The following RPS6KA2 variants were observed in gnomAD, a reference collection of about 807,000 sequenced individuals.
RPS6KA2 encodes the protein ribosomal protein S6 kinase alpha-2.
Under a neutral mutation model 91.8 loss-of-function variants are expected in RPS6KA2, and 42 were observed. That is an observed-to-expected ratio of 0.46 (90% CI 0.36 to 0.59). The LOEUF is 0.59. Among genes scored for constraint, RPS6KA2 ranks in the 20% least tolerant of loss-of-function variants. RPS6KA2 has a pLI of 0.00. For missense variants in RPS6KA2, 798 were observed against 978.5 expected (o/e 0.82, Z 2.46); for synonymous variants, 414 against 393.6 (o/e 1.05, Z -0.61).
rs551908042 is a variant in RPS6KA2, at chr6:166,478,584, A to C, written c.908-8679T>G. The stretch of plus-strand genomic sequence containing the variant: ...GGTTTAACAACATCTATTAAAATGC[A>C]TCTCACAAAACGATGGTTTTCTCCA... On this transcript the variant is annotated intron_variant, in intron 10 of 20. Transcript: ENST00000265678. 5.4e-4 allele frequency among the ~76,000 whole-genome samples: 82 copies of C among 152,332 alleles called. 1 individual carries two copies. The Middle Eastern group carries it at 0.017, about 32-fold the overall frequency.
rs2128454517 is a variant in RPS6KA2, at chr6:166,448,991, C to T, written c.1207-142G>A. ...GAGGCCTGGGAGCTCATGGGTCCCC[C>T]TGCCCAAGGCTGCAGAGCTACTTAG... On this transcript the variant is annotated intron_variant, in intron 13 of 20. Coordinates refer to ENST00000265678, the MANE Select transcript of RPS6KA2 (RefSeq NM_021135.6). The surrounding 1 kb of genome is among the most constrained non-coding windows in gnomAD (Gnocchi z 4.7). 1.1e-6 allele frequency: 1 copy of T among 884,380 alleles called. No homozygotes were observed. Among genetic ancestry groups the T allele is most frequent in the Non-Finnish European group, 1.7e-6 (1 of 574,116 alleles). The allele number at this position is 884,380 out of a possible 1,614,324, so 54.8% of individuals were successfully genotyped here.
intron 7 of RPS6KA2, 75 bp from the exon 8 acceptor site, chr6:166,498,725 G>A (rs934521360): frequency 3.1e-5 from 48 of 1,568,074 alleles, no homozygotes; most frequent in Non-Finnish European, 3.9e-5. Flanking sequence ...GCGGGCATCA[G>A]CGTCCTTCTG....
chr6:166,775,725 CG>C (rs1778599116), intron 2 of RPS6KA2, among the ~76,000 whole-genome samples: 1 of 152,220 alleles, frequency 6.6e-6, no homozygotes, highest in Admixed American at 6.5e-5. Context: ...GGCTGCAGCC[CG>C]GGGATCTTCT....
intron 3 of RPS6KA2, among the ~76,000 whole-genome samples, chr6:166,526,882 C>T (rs1045539024): frequency 2.6e-5 from 4 of 152,226 alleles, no homozygotes; most frequent in Non-Finnish European, 5.9e-5. Flanking sequence ...TGTGTACACA[C>T]AAATACACAC....
chr6:166,561,384 C>T (rs938956151), intron 1 of RPS6KA2, among the ~76,000 whole-genome samples: 59 of 152,060 alleles, frequency 3.9e-4, no homozygotes, highest in South Asian at 2.1e-4. Flanking sequence ...TTCAGCTTGT[C>T]CCCCTTCCCA....
chr6:166,425,075 G>A (rs12194215), intron 16 of RPS6KA2, among the ~76,000 whole-genome samples: 5,369 of 146,444 alleles, frequency 0.037, 147 homozygotes, highest in Non-Finnish European at 0.054. Context: ...GGATGGAAGG[G>A]AAACTCCTCT....
Position 166,433,238 on chromosome 6 carries a change from G to C in RPS6KA2, c.1333-748C>G, listed in dbSNP as rs1779195596. ...GCATGGCTCTCACCAAGAGATGCTG[G>C]GGATGGTGCGCAGGCCAGACCTGCC... is the stretch of plus-strand genomic sequence containing the variant. On this transcript the variant is annotated intron_variant, in intron 14 of 20. Transcript: ENST00000265678. The surrounding 1 kb of genome is among the most constrained non-coding windows in gnomAD (Gnocchi z 4.4). Among the ~76,000 whole-genome samples, 1 of 152,128 alleles carries C rather than the reference G, an allele frequency of 6.6e-6. No individual in the cohort carries two copies. Among genetic ancestry groups the C allele is most frequent in the African/African-American group, 2.4e-5 (1 of 41,432 alleles).
intron 2 of RPS6KA2, among the ~76,000 whole-genome samples, chr6:166,795,625 C>T (rs192101621): frequency 7.1e-4 from 108 of 152,276 alleles, no homozygotes; most frequent in African/African-American, 2.6e-3. Flanking sequence ...GTCAGGGGTC[C>T]CCTGCACCAA....
At chr6:166,527,249 G>A (rs1237404341) in intron 3 of RPS6KA2, among the ~76,000 whole-genome samples, 1 of 152,174 alleles carries the variant, frequency 6.6e-6, no homozygotes, top group African/African-American at 2.4e-5. Context: ...TCCTTCAGTG[G>A]CGGGGGAGGG....
intron 11 of RPS6KA2, among the ~76,000 whole-genome samples, chr6:166,467,148 T>C (rs544457974): frequency 1.3e-5 from 2 of 152,166 alleles, no homozygotes; most frequent in East Asian, 3.9e-4. Flanking sequence ...ACTCATTCAT[T>C]CACTCACTCA....
chr6:166,619,376 TTTTG>T (rs1317095377), intron 1 of RPS6KA2, among the ~76,000 whole-genome samples: 3 of 152,362 alleles, frequency 2.0e-5, no homozygotes, highest in Admixed American at 6.5e-5. Flanking sequence ...TTGAAAGTTG[TTTTG>T]TTTGTCTGTG....
rs1295209137 is a variant in RPS6KA2 at position 166,627,067 on chromosome 6, C to T, written c.-48G>A. ...AGCCGCAGGGCCGGGGGACGCGCAT[C>T]CCCGGCATCCCAGGCGCGGGGCTCA... On this transcript the variant is annotated 5_prime_UTR_variant, in exon 1 of 21. Transcript: ENST00000265678. 2 of 1,319,456 alleles carry T rather than the reference C, an allele frequency of 1.5e-6. No individual in the cohort carries two copies. Among genetic ancestry groups the T allele is most frequent in the South Asian group, 2.0e-5 (1 of 49,274 alleles). The allele number at this position is 1,319,456 out of a possible 1,614,324, so 81.7% of individuals were successfully genotyped here.
intron 3 of RPS6KA2, among the ~76,000 whole-genome samples, chr6:166,528,959 T>G (rs1412806213): frequency 6.6e-6 from 1 of 152,182 alleles, no homozygotes; most frequent in Non-Finnish European, 1.5e-5. Flanking sequence ...AGGAACACTT[T>G]TACACTGTTG....
At chr6:166,735,736 C>T (rs536154757) in intron 2 of RPS6KA2, among the ~76,000 whole-genome samples, 9 of 152,250 alleles carry the variant, frequency 5.9e-5, no homozygotes, top group South Asian at 2.1e-4. Context: ...AGAGCTCAGG[C>T]GATAATGCAA....
chr6:166,646,660 C>T (rs76905922), intron 2 of RPS6KA2, among the ~76,000 whole-genome samples: 5 of 152,354 alleles, frequency 3.3e-5, no homozygotes, highest in South Asian at 2.1e-4. Flanking sequence ...GGACCTTCTT[C>T]GTTTCACCAG....
Position 166,506,242 on chromosome 6 carries a change from G to A in RPS6KA2, c.460-1630C>T, listed in dbSNP as rs528134157. Among the ~76,000 whole-genome samples, 11 of 152,318 alleles carry A rather than the reference G, an allele frequency of 7.2e-5. No individual in the cohort carries two copies. The South Asian group carries it at 8.3e-4, about 11-fold the overall frequency. Reference sequence around the variant, plus strand: ...GCAACTCCACGAATCTGTGGTGCCCGCCCTGGACAACTTCCCTCCTACTCC... The same window carrying A: ...GCAACTCCACGAATCTGTGGTGCCCACCCTGGACAACTTCCCTCCTACTCC... On this transcript the variant is annotated intron_variant, in intron 5 of 20. Transcript: ENST00000265678.
chr6:166,815,512 C>T (rs1361256005), intron 2 of RPS6KA2, among the ~76,000 whole-genome samples: 1 of 152,162 alleles, frequency 6.6e-6, no homozygotes, highest in African/African-American at 2.4e-5. Context: ...CTAATACACT[C>T]TACCAAAATC....
chr6:166,729,179 C>A (rs1790437764), intron 2 of RPS6KA2, among the ~76,000 whole-genome samples: 1 of 152,232 alleles, frequency 6.6e-6, no homozygotes, highest in South Asian at 2.1e-4. Flanking sequence ...ATCGGCCAGA[C>A]AACCCCTTCC....
chr6:166,769,159 C>A (rs1439959685), intron 2 of RPS6KA2, among the ~76,000 whole-genome samples: 2 of 152,212 alleles, frequency 1.3e-5, no homozygotes, highest in Non-Finnish European at 2.9e-5. Flanking sequence ...CCAATGTTCA[C>A]TGCTATGACC....
Sources: allele counts gnomAD v4.1 joint callset (sites outside exome capture counted in the v4.1 genomes callset), GRCh38; gene constraint gnomAD v4.1.1; non-coding constraint Gnocchi (gnomAD v3.1); transcripts MANE v1.5; gene names NCBI Gene and HGNC (gene_info 2026-07-23, HGNC 2026-07-21).